The following SYT1 variants were observed in gnomAD, a reference collection of about 807,000 sequenced individuals.
SYT1 encodes synaptotagmin 1, also known as synaptotagmin-1.
A neutral mutation model predicts 44.8 loss-of-function variants in SYT1; 8 were observed. The observed-to-expected ratio is 0.18, with a 90% CI of 0.10 to 0.32. The LOEUF (loss-of-function observed/expected upper bound fraction) is 0.32. Among genes scored for constraint, SYT1 ranks in the 10% least tolerant of loss-of-function variants. The pLI is 1.00. For synonymous variants in SYT1, 154 were observed against 188.8 expected (o/e 0.82, Z 1.51); for missense variants, 286 against 509.3 (o/e 0.56, Z 4.22).
chr12:79,367,060 C>T (rs1883579824), intron 9 of SYT1, among the ~76,000 whole-genome samples: 1 of 152,018 alleles, frequency 6.6e-6, no homozygotes, highest in Non-Finnish European at 1.5e-5. Flanking sequence ...CTTGTGGCCA[C>T]AAGACCCAGC....
intron 5 of SYT1, among the ~76,000 whole-genome samples, chr12:79,291,541 A>T (rs1879581211): frequency 6.6e-6 from 1 of 152,204 alleles, no homozygotes; most frequent in Non-Finnish European, 1.5e-5. Context: ...TATCTTTTTC[A>T]TAGGAAATAA....
At chr12:79,147,145 T>C (rs1869971911) in intron 3 of SYT1, among the ~76,000 whole-genome samples, 1 of 152,198 alleles carries the variant, frequency 6.6e-6, no homozygotes, top group Non-Finnish European at 1.5e-5. Context: ...GGCCAGCATA[T>C]ATCTACTTTA....
intron 2 of SYT1, among the ~76,000 whole-genome samples, chr12:79,040,830 C>G (rs900301519): frequency 1.4e-5 from 2 of 145,716 alleles, no homozygotes; most frequent in African/African-American, 2.6e-5. Flanking sequence ...CCAGTTTCAG[C>G]TTTCTACATA....
chr12:79,078,174 C>G (rs1282156502), intron 3 of SYT1, among the ~76,000 whole-genome samples: 1 of 152,108 alleles, frequency 6.6e-6, no homozygotes, highest in Non-Finnish European at 1.5e-5. Flanking sequence ...ATCCTACTGA[C>G]TATCACTTGA....
intron 9 of SYT1, among the ~76,000 whole-genome samples, chr12:79,372,862 C>T (rs1883847825): frequency 2.2e-5 from 3 of 136,010 alleles, no homozygotes; most frequent in Admixed American, 6.9e-5. Flanking sequence ...GCACTGTGCA[C>T]CCCATCTGAG....
Position 79,266,323 on chromosome 12 carries a change from T to C in SYT1, c.167-19464T>C, listed in dbSNP as rs1878123084. Among the ~76,000 whole-genome samples, 9 of 151,990 alleles carry C rather than the reference T, an allele frequency of 5.9e-5. No individual in the cohort carries two copies. The South Asian group carries it at 1.9e-3, about 32-fold the overall frequency. On this transcript the variant is annotated intron_variant, in intron 4 of 10. Coordinates refer to ENST00000261205, the MANE Select transcript of SYT1 (RefSeq NM_005639.3). ...CAAAAGGAGTGAATACATGCAGATG[T>C]GAAACAAAATAAAGGGCTTATATAT...
At chr12:79,007,296 C>A (rs1871155523) in intron 2 of SYT1, among the ~76,000 whole-genome samples, 1 of 152,130 alleles carries the variant, frequency 6.6e-6, no homozygotes, top group African/African-American at 2.4e-5. Context: ...CCATGTTGAC[C>A]ACCTTGTCCT....
chr12:79,038,609 C>T (rs1349633253), intron 2 of SYT1, among the ~76,000 whole-genome samples: 2 of 151,862 alleles, frequency 1.3e-5, no homozygotes, highest in African/African-American at 2.4e-5. Flanking sequence ...GCACATCAAC[C>T]TTGTAACTAT....
chr12:79,301,519 C>T (rs923103987), intron 8 of SYT1, among the ~76,000 whole-genome samples: 2 of 152,034 alleles, frequency 1.3e-5, no homozygotes, highest in African/African-American at 4.8e-5. Context: ...ATGATTTACC[C>T]CTTATCTTAC....
At chr12:79,333,605 A>T (rs1881957305) in intron 8 of SYT1, among the ~76,000 whole-genome samples, 1 of 152,150 alleles carries the variant, frequency 6.6e-6, no homozygotes, top group South Asian at 2.1e-4. Flanking sequence ...TCTTTACAAG[A>T]TTCAGCCACT....
chr12:79,392,621 G>A (rs933182305), intron 9 of SYT1: 4 of 151,994 alleles, frequency 2.6e-5, no homozygotes, highest in Non-Finnish European at 4.4e-5. Context: ...CGAAAAAAAA[G>A]ACAAATGTTT....
chr12:79,039,294 C>T (rs1043121371), intron 2 of SYT1, among the ~76,000 whole-genome samples: 1 of 151,896 alleles, frequency 6.6e-6, no homozygotes, highest in African/African-American at 2.4e-5. Flanking sequence ...AACACACAAC[C>T]CTACCTAAAC....
At chr12:78,876,472 T>G (rs1300612143) in intron 1 of SYT1, among the ~76,000 whole-genome samples, 4 of 146,634 alleles carry the variant, frequency 2.7e-5, no homozygotes, top group Middle Eastern at 3.5e-3. Flanking sequence ...TGTTTTTTTT[T>G]TTTTTTTTTT....
chr12:79,108,895 G>T (rs1878861666), intron 3 of SYT1, among the ~76,000 whole-genome samples: 1 of 152,146 alleles, frequency 6.6e-6, no homozygotes, highest in Admixed American at 6.5e-5. Flanking sequence ...TTCTCATAAG[G>T]ATAGTAGATG....
chr12:79,239,381 A>G (rs1345840972), intron 4 of SYT1, among the ~76,000 whole-genome samples: 1 of 152,246 alleles, frequency 6.6e-6, no homozygotes, highest in East Asian at 1.9e-4. Context: ...AAGCCAACGG[A>G]CACATGACAA....
Position 79,427,655 on chromosome 12 carries a change from G to A in SYT1, c.929-16418G>A, listed in dbSNP as rs74107442. On this transcript the variant is annotated intron_variant, in intron 9 of 10. Coordinates refer to ENST00000261205, the MANE Select transcript of SYT1 (RefSeq NM_005639.3). ...AGAATGAGGAGTCAAAGGAGTTTCC[G>A]TGAATAAATGATGTTGGAGCTGAGC... is the stretch of plus-strand genomic sequence containing the variant. 6.6e-3 allele frequency among the ~76,000 whole-genome samples: 1,002 copies of A among 152,260 alleles called. 11 individuals carry two copies. The highest frequency in any genetic ancestry group is 0.022 in the African/African-American group (918 of 41,548).
At chr12:79,069,247 G>C (rs1205734492) in intron 3 of SYT1, among the ~76,000 whole-genome samples, 3 of 152,134 alleles carry the variant, frequency 2.0e-5, no homozygotes, top group African/African-American at 4.8e-5. Context: ...TTTCACAAGA[G>C]TGTAAACCAC....
chr12:79,013,840 C>A (rs1871589427), intron 2 of SYT1, among the ~76,000 whole-genome samples: 1 of 151,914 alleles, frequency 6.6e-6, no homozygotes, highest in Non-Finnish European at 1.5e-5. Context: ...AGAAAATAAG[C>A]CTTCAGGCCG....
intron 3 of SYT1, among the ~76,000 whole-genome samples, chr12:79,215,918 CTTTTTTTTTT>C (rs71091653): frequency 1.3e-5 from 1 of 76,726 alleles, no homozygotes; most frequent in Non-Finnish European, 2.3e-5. Flanking sequence ...GCATTTCTTT[CTTTTTTTTTT>C]TTTTTTTTTT....
Sources: gnomAD v4.1 joint callset for allele counts (sites outside exome capture counted in the v4.1 genomes callset) on GRCh38, gnomAD v4.1.1 for gene constraint, MANE v1.5 for transcripts, NCBI Gene and HGNC (gene_info 2026-07-23, HGNC 2026-07-21) for gene names.